PRPF6: variants seen among roughly 807,000 people sequenced by gnomAD.
The protein encoded by PRPF6 is pre-mRNA-processing factor 6.
PRPF6 carries 42 observed loss-of-function variants against 118.3 expected under a neutral mutation model. That is an observed-to-expected ratio of 0.35 (90% CI 0.28 to 0.46). The LOEUF (loss-of-function observed/expected upper bound fraction) is 0.46. Among genes scored for constraint, PRPF6 ranks in the 20% least tolerant of loss-of-function variants. The pLI is 1.00. For missense variants in PRPF6, 662 were observed against 1,255.7 expected (o/e 0.53, Z 7.15); for synonymous variants, 481 against 485.1 (o/e 0.99, Z 0.11).
chr20:64,005,111 A>T (rs1361121018), intron 9 of PRPF6, among the ~76,000 whole-genome samples: 1 of 152,158 alleles, frequency 6.6e-6, no homozygotes, highest in African/African-American at 2.4e-5. Context: ...ACTTCTGCTC[A>T]TAAAGTCACA....
At chr20:64,020,543 C>G (rs750760894) in intron 12 of PRPF6, among the ~76,000 whole-genome samples, 3 of 152,182 alleles carry the variant, frequency 2.0e-5, no homozygotes, top group Admixed American at 1.3e-4. Context: ...GCCAGTCAGA[C>G]GAACCCCCAG....
intron 19 of PRPF6, among the ~76,000 whole-genome samples, chr20:64,031,529 C>T (rs1199378310): frequency 1.3e-5 from 2 of 151,872 alleles, no homozygotes; most frequent in East Asian, 3.9e-4. Flanking sequence ...AAAAATTAGC[C>T]GGGTGTGGTG....
intron 6 of PRPF6, among the ~76,000 whole-genome samples, chr20:63,997,288 C>CTTTTTTTTT (rs928046111): frequency 8.9e-6 from 1 of 112,678 alleles, no homozygotes. Context: ...TCAGCATGTT[C>CTTTTTTTTT]TTTTTTTTTT....
At chr20:64,024,800 G>T (rs144806188) in intron 14 of PRPF6, 107 bp downstream of exon 14, 3 of 1,488,352 alleles carry the variant, frequency 2.0e-6, no homozygotes, top group Non-Finnish European at 2.7e-6. Flanking sequence ...ACGTGCTGTT[G>T]TTGGGGTGCA....
chr20:63,994,849 A>G (rs1297359187), intron 4 of PRPF6, 67 bp from the exon 5 acceptor site: 3 of 1,603,084 alleles, frequency 1.9e-6, no homozygotes, highest in East Asian at 2.2e-5. Flanking sequence ...GAGAGAGGGC[A>G]TGGTCCTACC....
intron 3 of PRPF6, among the ~76,000 whole-genome samples, chr20:63,992,071 G>A (rs1292274550): frequency 6.6e-6 from 1 of 152,046 alleles, no homozygotes; most frequent in African/African-American, 2.4e-5. Context: ...GATAGTTACT[G>A]TTTTTCCTTG....
chr20:63,981,343 G>T lies in PRPF6; in HGVS notation c.71+27G>T, dbSNP rs751116229. 5 of 1,558,414 alleles carry T rather than the reference G, an allele frequency of 3.2e-6. No individual in the cohort carries two copies. The Admixed American group carries it at 9.5e-5, about 30-fold the overall frequency. ...TGAGGCCTGGGGCGGCGCGCGAGGG[G>T]CGGGGACCCGGCTACAGGAGCGCAG... On this transcript the variant is annotated intron_variant, in intron 1 of 20. Coordinates refer to ENST00000266079, the MANE Select transcript of PRPF6 (RefSeq NM_012469.4).
chr20:64,021,604 CCCATGT>C (rs2059264574), intron 12 of PRPF6, among the ~76,000 whole-genome samples: 1 of 138,412 alleles, frequency 7.2e-6, no homozygotes, highest in Admixed American at 7.5e-5. Context: ...CAGCCACAGC[CCCATGT>C]CTGTGTGTGC....
At chr20:64,015,696 C>T (rs2059233679) in intron 11 of PRPF6, among the ~76,000 whole-genome samples, 1 of 152,138 alleles carries the variant, frequency 6.6e-6, no homozygotes, top group Non-Finnish European at 1.5e-5. Context: ...GAGAAATTGC[C>T]CTCCATAGAG....
At chr20:64,024,488 G>A in intron 13 of PRPF6, 67 bp from the exon 14 acceptor site, 1 of 1,599,336 alleles carries the variant, frequency 6.3e-7, no homozygotes, top group Non-Finnish European at 8.6e-7. Context: ...CCCACGCCAT[G>A]GCTGAGTGTG....
intron 2 of PRPF6, among the ~76,000 whole-genome samples, chr20:63,984,683 C>T (rs201947858): frequency 6.6e-6 from 1 of 152,306 alleles, no homozygotes; most frequent in Admixed American, 6.5e-5. Flanking sequence ...CATTGCATTT[C>T]GTCATGTCTC....
In PRPF6 at chr20:64,028,578, G is replaced by A. The variant is rs777603953; in HGVS notation, c.2431+9G>A. The A allele has an allele frequency of 1.9e-6, 3 of 1,608,600 alleles. No individual in the cohort carries two copies. The highest frequency in any genetic ancestry group is 1.7e-5 in the Admixed American group (1 of 59,814). On this transcript the variant is annotated intron_variant, in intron 18 of 20. Transcript: ENST00000266079. This position sits in a 1 kb window ranked among gnomAD's most constrained non-coding sequence, Gnocchi z 6.5. ...GGAGTGCCCCAACTCCGGTAAGGGG[G>A]TGCCCCGACTCCGGTAAGGGGGTGC...
At chr20:64,004,602 G>A (rs2059181616) in intron 9 of PRPF6, among the ~76,000 whole-genome samples, 1 of 152,168 alleles carries the variant, frequency 6.6e-6, no homozygotes, top group African/African-American at 2.4e-5. Flanking sequence ...GGGAGAATGG[G>A]CGTTTTGGGT....
At position 64,032,008 on chromosome 20, in the gene PRPF6, C is replaced by A. The variant is rs1045757438; in HGVS notation, c.2637C>A (p.Ala879=). The change falls in exon 20 of 21, where the codon GCC becomes GCA. Residue 879 remains alanine (A), a synonymous_variant. Transcript: ENST00000266079. ...KIDSDLGDAW[A]FFYKFELQHG... ...ACTCGGACCTGGGGGATGCCTGGGC[C>A]TTCTTCTACAAGTTTGAGCTGCAGC... 3.7e-6 allele frequency: 6 copies of A among 1,614,000 alleles called. No homozygotes were observed. The African/African-American group carries it at 8.0e-5, about 22-fold the overall frequency.
chr20:63,986,442 A>G (rs1000517766), intron 3 of PRPF6, among the ~76,000 whole-genome samples: 2 of 151,698 alleles, frequency 1.3e-5, no homozygotes, highest in African/African-American at 4.8e-5. Flanking sequence ...CAAATTAATC[A>G]GTGTTATACA....
chr20:64,028,996 C>T lies in PRPF6; in HGVS notation c.2432-381C>T, dbSNP rs945813981. ...CAGCCTGGCCAACATGGTGAAACCC[C>T]GTCTCTACTAAAATACAAAAATGAG... On this transcript the variant is annotated intron_variant, in intron 18 of 20. Coordinates refer to ENST00000266079, the MANE Select transcript of PRPF6 (RefSeq NM_012469.4). This position sits in a 1 kb window ranked among gnomAD's most constrained non-coding sequence, Gnocchi z 6.5. Among the ~76,000 whole-genome samples, 3 of 152,024 alleles carry T rather than the reference C, an allele frequency of 2.0e-5. No homozygotes were observed. The highest frequency in any genetic ancestry group is 2.9e-5 in the Non-Finnish European group (2 of 67,992).
chr20:64,027,864 G>A lies in PRPF6; in HGVS notation c.2339+128G>A. 1 of 1,360,478 alleles carries A rather than the reference G, an allele frequency of 7.4e-7. No individual in the cohort carries two copies. Among genetic ancestry groups the A allele is most frequent in the Non-Finnish European group, 1.0e-6 (1 of 957,114 alleles). The allele number at this position is 1,360,478 out of a possible 1,614,324, so 84.3% of individuals were successfully genotyped here. ...AGGCTCAGGGGCTTGGGGGGCGGTAGGTGCTGGCCATGAAAAATCACGGTC... is the reference window on the plus strand; with the variant it reads ...AGGCTCAGGGGCTTGGGGGGCGGTAAGTGCTGGCCATGAAAAATCACGGTC... On this transcript the variant is annotated intron_variant, in intron 17 of 20. Transcript: ENST00000266079. This position sits in a 1 kb window ranked among gnomAD's most constrained non-coding sequence, Gnocchi z 6.5.
In PRPF6 at chr20:64,024,630, C is replaced by T. The variant is rs1297224381; in HGVS notation, c.1845C>T (p.Ala615=). 6.2e-7 allele frequency: 1 copy of T among 1,613,838 alleles called. No individual in the cohort carries two copies. The highest frequency in any genetic ancestry group is 2.2e-5 in the East Asian group (1 of 44,880). ...CAGAGGTGCTGTGGCTCATGGGCGC[C>T]AAGTCCAAGTGGCTGGCAGGGGATG... ...PKAEVLWLMG[A]KSKWLAGDVP... is the part of the protein sequence containing the mutation. The change falls in exon 14 of 21, where the codon GCC becomes GCT. Residue 615 remains alanine (A), a synonymous_variant. Transcript: ENST00000266079.
chr20:64,016,688 C>G (rs1403098476), intron 11 of PRPF6, 35 bp from the exon 12 acceptor site: 4 of 1,613,218 alleles, frequency 2.5e-6, no homozygotes, highest in Non-Finnish European at 3.4e-6. Flanking sequence ...CTCTGATTTC[C>G]AAAATCACAA....
Sources: allele counts gnomAD v4.1 joint callset (sites outside exome capture counted in the v4.1 genomes callset), GRCh38; gene constraint gnomAD v4.1.1; non-coding constraint Gnocchi (gnomAD v3.1); transcripts MANE v1.5; gene names NCBI Gene and HGNC (gene_info 2026-07-23, HGNC 2026-07-21).